MSH3: variants seen among roughly 807,000 people sequenced by gnomAD.
The protein encoded by MSH3 is DNA mismatch repair protein Msh3.
Under a neutral mutation model 123.3 loss-of-function variants are expected in MSH3, and 106 were observed. That is an observed-to-expected ratio of 0.86 (90% confidence interval 0.73 to 1.01). The LOEUF is 1.01. Among genes scored for constraint, MSH3 ranks in the 50% least tolerant of loss-of-function variants. MSH3 has a pLI of 0.00. For synonymous variants in MSH3, 515 were observed against 481.4 expected, an observed-to-expected ratio of 1.07 and a Z score of -0.91; for missense variants, 1,459 against 1,347.6, an observed-to-expected ratio of 1.08 and a Z score of -1.29.
chr5:80,672,790 A>G lies in MSH3; in HGVS notation c.959A>G (p.Asp320Gly), dbSNP rs770547789. 1.2e-6 allele frequency: 2 copies of G among 1,614,172 alleles called. No homozygotes were observed. The highest frequency in any genetic ancestry group is 2.2e-5 in the East Asian group (1 of 44,866). ...TETAALKAIG[D>G]NRSSLFSRKL... ...ACTGCAGCATTAAAGGCCATTGGAG[A>G]CAACAGAAGTTCACTCTTTTCCCGG... Residue 320 changes from aspartate to glycine, a missense_variant, in exon 6 of 24, where the codon GAC becomes GGC. Physicochemically the swap from Asp to Gly is moderately conservative, Grantham distance 94. Transcript: ENST00000265081.
chr5:80,866,330 G>T (rs1746097868), intron 22 of MSH3, among the ~76,000 whole-genome samples: 1 of 152,150 alleles, frequency 6.6e-6, no homozygotes, highest in African/African-American at 2.4e-5. Flanking sequence ...GTAGAGACAG[G>T]CTCTCACTAT....
At chr5:80,806,158 G>C (rs769547944) in intron 19 of MSH3, among the ~76,000 whole-genome samples, 5 of 152,074 alleles carry the variant, frequency 3.3e-5, no homozygotes, top group African/African-American at 4.8e-5. Context: ...GAGTGCAATG[G>C]CGCGATCTCG....
rs140500343 is a variant in MSH3 at position 80,753,423 on chromosome 5, G to A, written c.1764-8123G>A. Among the ~76,000 whole-genome samples, 201 of 152,280 alleles carry A rather than the reference G, an allele frequency of 1.3e-3. 1 individual carries two copies. Among genetic ancestry groups the A allele is most frequent in the Non-Finnish European group, 2.5e-3 (171 of 68,008 alleles). ...CTTTAGGAGGATTACTGGTGAGTAGGTAGAGTCTTTTATGGGGGCCTACTC... is the reference window on the plus strand; with the variant it reads ...CTTTAGGAGGATTACTGGTGAGTAGATAGAGTCTTTTATGGGGGCCTACTC... On this transcript the variant is annotated intron_variant, in intron 12 of 23. Coordinates refer to ENST00000265081, the MANE Select transcript of MSH3 (RefSeq NM_002439.5).
intron 20 of MSH3, among the ~76,000 whole-genome samples, chr5:80,823,274 C>T (rs955512638): frequency 6.6e-6 from 1 of 152,130 alleles, no homozygotes; most frequent in Admixed American, 6.5e-5. Context: ...AGTAAAACCT[C>T]CTCACCCTCA....
At chr5:80,746,422 C>T (rs186658441) in intron 12 of MSH3, 55 of 439,976 alleles carry the variant, frequency 1.3e-4, no homozygotes, top group African/African-American at 8.8e-4. Flanking sequence ...GGAAGTCTTG[C>T]GAATCTTCTC....
chr5:80,680,404 A>G (rs1028158113), intron 8 of MSH3, among the ~76,000 whole-genome samples: 2 of 151,582 alleles, frequency 1.3e-5, no homozygotes, highest in African/African-American at 4.9e-5. Flanking sequence ...TAAAACTAAT[A>G]TATGTTCATT....
intron 8 of MSH3, among the ~76,000 whole-genome samples, chr5:80,715,700 A>C (rs1352007821): frequency 6.6e-6 from 1 of 152,106 alleles, no homozygotes. Flanking sequence ...GCAGAAGGTG[A>C]AGGGGAAGCA....
intron 2 of MSH3, among the ~76,000 whole-genome samples, chr5:80,663,781 A>AT (rs35756839): frequency 0.27 from 40,932 of 151,656 alleles, 5,729 homozygotes; most frequent in Middle Eastern, 0.35. Flanking sequence ...ATTTTAAACT[A>AT]TTTTTTTTGA....
chr5:80,668,564 A>G (rs1353261082), intron 3 of MSH3, among the ~76,000 whole-genome samples: 1 of 152,184 alleles, frequency 6.6e-6, no homozygotes, highest in Non-Finnish European at 1.5e-5. Flanking sequence ...GCATGTGCAC[A>G]CCCAGCCAGG....
chr5:80,843,513 G>A (rs1441967993), intron 20 of MSH3, among the ~76,000 whole-genome samples: 6 of 152,110 alleles, frequency 3.9e-5, no homozygotes, highest in Non-Finnish European at 7.4e-5. Flanking sequence ...GGTAGAATTC[G>A]GCTGTGAATC....
chr5:80,873,412 C>A, intron 23 of MSH3, 125 bp downstream of exon 23: 1 of 928,180 alleles, frequency 1.1e-6, no homozygotes, highest in Non-Finnish European at 1.6e-6. Flanking sequence ...ATATTCTGAA[C>A]CATTTAATTA....
At chr5:80,776,907 TACAA>T (rs1423290788) in intron 16 of MSH3, among the ~76,000 whole-genome samples, 9 of 135,914 alleles carry the variant, frequency 6.6e-5, no homozygotes, top group African/African-American at 2.4e-4. Context: ...AAAAATATAA[TACAA>T]ATATATATAT....
intron 9 of MSH3, among the ~76,000 whole-genome samples, chr5:80,727,824 A>C (rs1049645356): frequency 1.3e-5 from 2 of 152,100 alleles, no homozygotes; most frequent in East Asian, 3.8e-4. Context: ...AAGGCAGGGG[A>C]GTGGGTTGAA....
chr5:80,665,359 A>C lies in MSH3; in HGVS notation c.575A>C (p.Gln192Pro). 1 of 1,609,918 alleles carries C rather than the reference A, an allele frequency of 6.2e-7. No individual in the cohort carries two copies. The highest frequency in any genetic ancestry group is 8.5e-7 in the Non-Finnish European group (1 of 1,178,006). Residue 192 changes from glutamine to proline, a missense_variant, in exon 3 of 24, where the codon CAA becomes CCA. Physicochemically the swap from Gln to Pro is moderately conservative, Grantham distance 76. Coordinates refer to ENST00000265081, the MANE Select transcript of MSH3 (RefSeq NM_002439.5). ...SSEDSKRQINQKDTTLFDLSQ... is the reference protein window; with the variant it reads ...SSEDSKRQINPKDTTLFDLSQ... ...GAAGATTCGAAACGTCAAATTAATC[A>C]AAAGGTATGTAACTGCTATAGATGA...
At chr5:80,817,979 G>C (rs1025182419) in intron 20 of MSH3, among the ~76,000 whole-genome samples, 1 of 152,194 alleles carries the variant, frequency 6.6e-6, no homozygotes, top group African/African-American at 2.4e-5. Context: ...GGAGGCCAAG[G>C]TGGGTGGATC....
chr5:80,780,968 A>G (rs1744400358), intron 17 of MSH3, among the ~76,000 whole-genome samples: 1 of 152,164 alleles, frequency 6.6e-6, no homozygotes, highest in Admixed American at 6.5e-5. Context: ...AAAACTAAAA[A>G]CAAAAAAGAT....
chr5:80,867,328 C>A (rs2112121375), intron 22 of MSH3, among the ~76,000 whole-genome samples: 1 of 152,280 alleles, frequency 6.6e-6, no homozygotes, highest in East Asian at 1.9e-4. Context: ...GGCATCATGT[C>A]CAGAATGTCC....
Position 80,787,605 on chromosome 5 carries a change from C to G in MSH3, c.2476C>G (p.His826Asp). The change falls in exon 18 of 24, where the codon CAT becomes GAT. Residue 826 changes from histidine (H) to aspartate (D), a missense_variant. His to Asp is a moderately conservative substitution (Grantham distance 81). Coordinates refer to ENST00000265081, the MANE Select transcript of MSH3 (RefSeq NM_002439.5). The stretch of plus-strand genomic sequence containing the variant: ...TTATCACTCCTTGTGTAAAGCAGTG[C>G]ATCACCTAGCAACTGTTGACTGCAT... ...EHYHSLCKAV[H>D]HLATVDCIFS... 1 of 1,613,872 alleles carries G rather than the reference C, an allele frequency of 6.2e-7. No homozygotes were observed. The highest frequency in any genetic ancestry group is 8.5e-7 in the Non-Finnish European group (1 of 1,179,826).
In MSH3 at chr5:80,773,144, G is replaced by A. The variant is rs1460134833; in HGVS notation, c.2254-2550G>A. On this transcript the variant is annotated intron_variant, in intron 15 of 23. Coordinates refer to ENST00000265081, the MANE Select transcript of MSH3 (RefSeq NM_002439.5). ...TGTGGAGCTCTGTGTTAGTCATTAT[G>A]CATCTGGATGTGTCCTTCCCAAATA... is the stretch of plus-strand genomic sequence containing the variant. Among the ~76,000 whole-genome samples the A allele has an allele frequency of 3.3e-5, 5 of 152,196 alleles. No homozygotes were observed. In the East Asian group the frequency reaches 9.6e-4, roughly 29 times the overall value.
Sources: allele counts gnomAD v4.1 joint callset (sites outside exome capture counted in the v4.1 genomes callset), GRCh38; gene constraint gnomAD v4.1.1; transcripts MANE v1.5; gene names NCBI Gene and HGNC (gene_info 2026-07-23, HGNC 2026-07-21).